RAD51B: variants seen among roughly 807,000 people sequenced by gnomAD.
RAD51B encodes RAD51 paralog B.
In RAD51B, 38 loss-of-function variants were observed where a neutral mutation model predicts 42.2. The observed-to-expected ratio is 0.90, with a 90% CI of 0.70 to 1.18. The LOEUF is 1.18. Ranked by LOEUF, RAD51B falls within the 50% of genes most tolerant of loss-of-function variation. The pLI, the probability that RAD51B is intolerant of heterozygous loss-of-function variation, is 0.00. For synonymous variants in RAD51B, 154 were observed against 145.2 expected, an observed-to-expected ratio of 1.06 and a Z score of -0.43; for missense variants, 373 against 400.7, an observed-to-expected ratio of 0.93 and a Z score of 0.59.
At chr14:68,647,155 A>G (rs948215421) in intron 10 of RAD51B, among the ~76,000 whole-genome samples, 3 of 152,222 alleles carry the variant, frequency 2.0e-5, no homozygotes, top group African/African-American at 2.4e-5. Flanking sequence ...GGAAACTGAC[A>G]TAATTTGCTT....
chr14:68,342,260 T>C (rs542863001), intron 8 of RAD51B, among the ~76,000 whole-genome samples: 1 of 152,346 alleles, frequency 6.6e-6, no homozygotes, highest in Non-Finnish European at 1.5e-5. Flanking sequence ...TTAAATTCTA[T>C]CCTATCTACT....
At chr14:68,520,951 A>C (rs1164922397) in intron 10 of RAD51B, among the ~76,000 whole-genome samples, 1 of 152,140 alleles carries the variant, frequency 6.6e-6, no homozygotes, top group Admixed American at 6.5e-5. Flanking sequence ...AGGCTGATGG[A>C]GTTTTTGTTT....
chr14:67,880,764 G>A (rs1470236075), intron 5 of RAD51B, among the ~76,000 whole-genome samples: 4 of 151,866 alleles, frequency 2.6e-5, no homozygotes, highest in South Asian at 2.1e-4. Context: ...TAAATTTTAC[G>A]TTGTTGGTGG....
chr14:67,893,492 ACACACACACAC>A (rs2043289117), intron 7 of RAD51B, among the ~76,000 whole-genome samples: 1 of 81,198 alleles, frequency 1.2e-5, no homozygotes, highest in East Asian at 2.5e-4. Flanking sequence ...ACACACACAC[ACACACACACAC>A]ACACACAAAA....
At chr14:68,404,260 A>G (rs2084201168) in intron 8 of RAD51B, among the ~76,000 whole-genome samples, 1 of 152,256 alleles carries the variant, frequency 6.6e-6, no homozygotes, top group Non-Finnish European at 1.5e-5. Flanking sequence ...TCTAAATATC[A>G]CAATCATCAA....
chr14:68,129,336 G>A (rs2077837946), intron 7 of RAD51B, among the ~76,000 whole-genome samples: 1 of 152,132 alleles, frequency 6.6e-6, no homozygotes, highest in Non-Finnish European at 1.5e-5. Context: ...AGTTTGGGGT[G>A]ACAACACAGC....
intron 2 of RAD51B, among the ~76,000 whole-genome samples, chr14:67,824,912 A>C (rs1566909005): frequency 6.6e-6 from 1 of 151,546 alleles, no homozygotes; most frequent in Non-Finnish European, 1.5e-5. Flanking sequence ...TCTTGTCTCT[A>C]CTAAAAATAA....
rs2080531835 is a variant in RAD51B at position 68,247,830 on chromosome 14, A to G, written c.757-44054A>G. ...GCACTCCAGGACAAGTTAAATACAG[A>G]AAGCCATATACATATAAATGGCAGA... On this transcript the variant is annotated intron_variant, in intron 7 of 10. Coordinates refer to ENST00000471583, the MANE Select transcript of RAD51B (RefSeq NM_133510.4). 2.6e-5 allele frequency among the ~76,000 whole-genome samples: 4 copies of G among 152,380 alleles called. No individual in the cohort carries two copies. The South Asian group carries it at 8.3e-4, about 32-fold the overall frequency.
chr14:68,181,462 C>CCCG (rs2079059635), intron 7 of RAD51B, among the ~76,000 whole-genome samples: 1 of 152,340 alleles, frequency 6.6e-6, no homozygotes, highest in Admixed American at 6.5e-5. Flanking sequence ...TTGAAGAATA[C>CCCG]CAAGGACCTT....
chr14:68,380,080 G>A (rs2083450605), intron 8 of RAD51B, among the ~76,000 whole-genome samples: 1 of 152,098 alleles, frequency 6.6e-6, no homozygotes, highest in Admixed American at 6.5e-5. Flanking sequence ...GAAATCCCAG[G>A]CTTTTATTTT....
At chr14:68,468,376 G>T in intron 10 of RAD51B, 126 bp downstream of exon 10, 1 of 1,009,776 alleles carries the variant, frequency 9.9e-7, no homozygotes. Context: ...AGATGCATTG[G>T]CCAGTGATAT....
chr14:68,027,032 C>T (rs923844647), intron 7 of RAD51B, among the ~76,000 whole-genome samples: 8 of 152,128 alleles, frequency 5.3e-5, no homozygotes, highest in Non-Finnish European at 4.4e-5. Flanking sequence ...TAAGGCTTCT[C>T]TAGTTGAAAT....
intron 8 of RAD51B, among the ~76,000 whole-genome samples, chr14:68,385,455 G>A (rs1236548066): frequency 6.6e-6 from 1 of 152,152 alleles, no homozygotes; most frequent in African/African-American, 2.4e-5. Context: ...AGTACCACCA[G>A]CCAAATGCTC....
intron 10 of RAD51B, chr14:68,468,452 G>T: frequency 1.4e-6 from 1 of 691,742 alleles, no homozygotes; most frequent in Admixed American, 1.9e-5. Flanking sequence ...TTGAGGTAGG[G>T]CCGAAGGAGA....
chr14:68,177,515 C>T (rs138865975), intron 7 of RAD51B, among the ~76,000 whole-genome samples: 218 of 152,246 alleles, frequency 1.4e-3, no homozygotes, highest in African/African-American at 5.1e-3. Context: ...CATGCGATCA[C>T]ATGTGCTTAT....
intron 10 of RAD51B, among the ~76,000 whole-genome samples, chr14:68,625,258 T>A (rs1892050893): frequency 6.6e-6 from 1 of 152,146 alleles, no homozygotes; most frequent in Non-Finnish European, 1.5e-5. Flanking sequence ...GTGAGATGTG[T>A]ATCGGAGCTA....
At chr14:68,432,106 G>A (rs1013743254) in intron 9 of RAD51B, among the ~76,000 whole-genome samples, 36 of 152,198 alleles carry the variant, frequency 2.4e-4, no homozygotes, top group African/African-American at 8.7e-4. Flanking sequence ...TTGCACTGTG[G>A]TCTGAGAGAC....
intron 9 of RAD51B, among the ~76,000 whole-genome samples, chr14:68,415,600 G>A (rs1016575444): frequency 1.3e-5 from 2 of 152,170 alleles, no homozygotes; most frequent in Non-Finnish European, 2.9e-5. Context: ...AGGAGATGGG[G>A]GGTCCTGGCA....
chr14:68,356,587 G>A (rs1016564497), intron 8 of RAD51B, among the ~76,000 whole-genome samples: 1 of 152,062 alleles, frequency 6.6e-6, no homozygotes, highest in African/African-American at 2.4e-5. Flanking sequence ...CCTTCAGTGA[G>A]TTATAATCTT....
Sources: allele counts gnomAD v4.1 joint callset (sites outside exome capture counted in the v4.1 genomes callset), GRCh38; gene constraint gnomAD v4.1.1; transcripts MANE v1.5; gene names NCBI Gene and HGNC (gene_info 2026-07-23, HGNC 2026-07-21).